The following ARHGAP15 variants were observed in gnomAD, a reference collection of about 807,000 sequenced individuals.
The protein encoded by ARHGAP15 is Rho GTPase activating protein 15.
In ARHGAP15, 51 loss-of-function variants were observed where a neutral mutation model predicts 63.7. That is an observed-to-expected ratio of 0.80 (90% CI 0.64 to 1.01). ARHGAP15 has a LOEUF of 1.01. ARHGAP15 is among the 50% of genes least tolerant of loss of function. ARHGAP15 has a pLI of 0.00. For missense variants in ARHGAP15, 560 were observed against 564.6 expected, an observed-to-expected ratio of 0.99 and a Z score of 0.08; for synonymous variants, 191 against 193.8, an observed-to-expected ratio of 0.99 and a Z score of 0.12.
At chr2:143,157,888 G>A (rs1236039376) in intron 2 of ARHGAP15, among the ~76,000 whole-genome samples, 1 of 151,794 alleles carries the variant, frequency 6.6e-6, no homozygotes, top group Non-Finnish European at 1.5e-5. Context: ...TGAATTTAGA[G>A]GTGGGAAGAG....
intron 2 of ARHGAP15, among the ~76,000 whole-genome samples, chr2:143,199,940 T>G (rs1201857279): frequency 6.6e-6 from 1 of 151,908 alleles, no homozygotes; most frequent in African/African-American, 2.4e-5. Flanking sequence ...ATTTAGAGCT[T>G]GAGATATAAG....
At chr2:143,702,737 T>A (rs1250559853) in intron 12 of ARHGAP15, among the ~76,000 whole-genome samples, 1 of 152,168 alleles carries the variant, frequency 6.6e-6, no homozygotes, top group Admixed American at 6.5e-5. Context: ...TTTTGGAGAC[T>A]GTGGCAATTC....
intron 10 of ARHGAP15, among the ~76,000 whole-genome samples, chr2:143,532,023 T>C (rs1442923517): frequency 2.6e-5 from 4 of 152,288 alleles, no homozygotes; most frequent in Non-Finnish European, 2.9e-5. Context: ...AGACAATGCA[T>C]GTTCACAATG....
intron 6 of ARHGAP15, among the ~76,000 whole-genome samples, chr2:143,322,206 G>A (rs2105227568): frequency 6.6e-6 from 1 of 152,268 alleles, no homozygotes; most frequent in Non-Finnish European, 1.5e-5. Context: ...ACTCTCAGTG[G>A]CTGGACTCCT....
chr2:143,461,382 T>A (rs1419109923), intron 8 of ARHGAP15, among the ~76,000 whole-genome samples: 1 of 151,878 alleles, frequency 6.6e-6, no homozygotes, highest in African/African-American at 2.4e-5. Flanking sequence ...TAGACTACTC[T>A]TATACGTTGA....
At chr2:143,450,765 C>T (rs1024406688) in intron 8 of ARHGAP15, among the ~76,000 whole-genome samples, 1 of 151,838 alleles carries the variant, frequency 6.6e-6, no homozygotes, top group African/African-American at 2.4e-5. Flanking sequence ...TTTTACTGCA[C>T]TTAAGAATAA....
rs1574715579 is a variant in ARHGAP15, at chr2:143,617,759, A to C, written c.1004-6374A>C. On this transcript the variant is annotated intron_variant, in intron 11 of 13. Transcript: ENST00000295095. ...TTGAGTTTGTCCTGGCTTGCCCCCA[A>C]GGACAAAATAATATGATTCTAGGGA... is the stretch of plus-strand genomic sequence containing the variant. Among the ~76,000 whole-genome samples the C allele has an allele frequency of 3.9e-5, 6 of 152,216 alleles. No individual in the cohort carries two copies. The South Asian group carries it at 1.2e-3, about 31-fold the overall frequency.
chr2:143,690,213 T>C (rs1179848847), intron 12 of ARHGAP15, among the ~76,000 whole-genome samples: 1 of 152,238 alleles, frequency 6.6e-6, no homozygotes, highest in Non-Finnish European at 1.5e-5. Context: ...GAGTAAGTTA[T>C]TCTTAAATTT....
At chr2:143,452,210 G>C (rs1690437897) in intron 8 of ARHGAP15, among the ~76,000 whole-genome samples, 1 of 151,946 alleles carries the variant, frequency 6.6e-6, no homozygotes, top group South Asian at 2.1e-4. Flanking sequence ...TTGGTACTTT[G>C]GGAGGAATGC....
intron 2 of ARHGAP15, among the ~76,000 whole-genome samples, chr2:143,196,481 C>T (rs1691891307): frequency 1.3e-5 from 2 of 151,976 alleles, no homozygotes; most frequent in Admixed American, 1.3e-4. Context: ...ATCAGGAAAA[C>T]TCAGTTGCTT....
At chr2:143,373,606 G>A (rs185943882) in intron 6 of ARHGAP15, among the ~76,000 whole-genome samples, 2 of 137,122 alleles carry the variant, frequency 1.5e-5, no homozygotes, top group Non-Finnish European at 3.1e-5. Flanking sequence ...CTCCAGCCTG[G>A]GTGAGAGAGC....
intron 10 of ARHGAP15, among the ~76,000 whole-genome samples, chr2:143,540,769 T>A (rs1695011756): frequency 6.6e-6 from 1 of 152,216 alleles, no homozygotes; most frequent in African/African-American, 2.4e-5. Flanking sequence ...TGGGCTTCCC[T>A]TTGTGGTTAA....
chr2:143,633,411 G>A (rs1239751052), intron 12 of ARHGAP15, among the ~76,000 whole-genome samples: 1 of 152,102 alleles, frequency 6.6e-6, no homozygotes, highest in Non-Finnish European at 1.5e-5. Context: ...CCCTTTATAA[G>A]TAAAACTAGA....
In ARHGAP15 at chr2:143,666,875, A is replaced by G. The variant is rs1483068815; in HGVS notation, c.1139-36544A>G. ...CAAATCTAAACCGCAATGAGATACC[A>G]TCTCACACCAGTTAGAATGGCAATC... On this transcript the variant is annotated intron_variant, in intron 12 of 13. Transcript: ENST00000295095. Among the ~76,000 whole-genome samples the G allele has an allele frequency of 3.2e-3, 482 of 148,810 alleles. 3 individuals are homozygous for G. Among genetic ancestry groups the G allele is most frequent in the Non-Finnish European group, 4.6e-3 (312 of 67,920 alleles).
chr2:143,155,842 G>T (rs1690058177), intron 2 of ARHGAP15, among the ~76,000 whole-genome samples, 187 bp downstream of exon 2: 1 of 151,868 alleles, frequency 6.6e-6, no homozygotes, highest in Non-Finnish European at 1.5e-5. Flanking sequence ...GAAGAGCTGG[G>T]CTTAATCCAG....
At chr2:143,680,021 TAAAAAAAAAAAAAAAAA>T (rs55927433) in intron 12 of ARHGAP15, among the ~76,000 whole-genome samples, 3 of 101,626 alleles carry the variant, frequency 3.0e-5, no homozygotes, top group African/African-American at 9.0e-5. Context: ...AGTAAATGAT[TAAAAAAAAAAAAAAAAA>T]AAAAAAAAAA....
chr2:143,607,585 G>A (rs1698089302), intron 11 of ARHGAP15: 1 of 151,904 alleles, frequency 6.6e-6, no homozygotes, highest in African/African-American at 2.4e-5. Context: ...CAGAGAGAGA[G>A]ATCTTTCATT....
At chr2:143,328,042 T>C (rs569111975) in intron 6 of ARHGAP15, among the ~76,000 whole-genome samples, 61 of 152,108 alleles carry the variant, frequency 4.0e-4, no homozygotes, top group Non-Finnish European at 7.1e-4. Flanking sequence ...AAAACCACAA[T>C]GAGATACCAT....
chr2:143,383,602 C>T (rs370395151), intron 6 of ARHGAP15, among the ~76,000 whole-genome samples: 6 of 152,208 alleles, frequency 3.9e-5, no homozygotes, highest in Middle Eastern at 3.4e-3. Context: ...GCCAGATCCT[C>T]GCAGTTCTCA....
Sources: gnomAD v4.1 joint callset for allele counts (sites outside exome capture counted in the v4.1 genomes callset) on GRCh38, gnomAD v4.1.1 for gene constraint, MANE v1.5 for transcripts, NCBI Gene and HGNC (gene_info 2026-07-23, HGNC 2026-07-21) for gene names.